SLC30A6: variants seen among roughly 807,000 people sequenced by gnomAD.
SLC30A6 encodes the protein solute carrier family 30 member 6.
In SLC30A6, 55 loss-of-function variants were observed where a neutral mutation model predicts 63.0. The observed-to-expected ratio is 0.87, with a 90% CI of 0.70 to 1.09. SLC30A6 has a LOEUF of 1.09. Ranked by LOEUF, SLC30A6 falls within the 50% of genes least tolerant of loss-of-function variation. The pLI is 0.00. For missense variants in SLC30A6, 587 were observed against 549.2 expected (o/e 1.07, Z -0.69); for synonymous variants, 224 against 186.1 (o/e 1.20, Z -1.66).
In SLC30A6 at chr2:32,193,992, T is replaced by C; in HGVS notation, c.496+9T>C. On this transcript the variant is annotated intron_variant, in intron 8 of 13. Coordinates refer to ENST00000282587, the MANE Select transcript of SLC30A6 (RefSeq NM_017964.5). ...TGCTTATGTCTCAGAAGGTATGTTT[T>C]TTATTTACTATTAATTTAAAAATCC... 2 of 1,595,504 alleles carry C rather than the reference T, an allele frequency of 1.3e-6. No individual in the cohort carries two copies. Among genetic ancestry groups the C allele is most frequent in the Non-Finnish European group, 1.7e-6 (2 of 1,170,262 alleles).
intron 11 of SLC30A6, 130 bp from the exon 12 acceptor site, chr2:32,206,756 C>G: frequency 1.5e-6 from 1 of 667,816 alleles, no homozygotes; most frequent in African/African-American, 1.8e-5. Flanking sequence ...CCTCTCTTCT[C>G]TAAATCATGA....
intron 11 of SLC30A6, among the ~76,000 whole-genome samples, chr2:32,205,346 G>A (rs1192197803): frequency 2.0e-5 from 3 of 152,094 alleles, no homozygotes; most frequent in East Asian, 1.9e-4. Flanking sequence ...GCCTGAACCC[G>A]GGAGGCGGAG....
At chr2:32,167,675 C>T (rs1398395283) in intron 1 of SLC30A6, among the ~76,000 whole-genome samples, 1 of 152,138 alleles carries the variant, frequency 6.6e-6, no homozygotes, top group Non-Finnish European at 1.5e-5. Context: ...CACACACACA[C>T]ACACACCAGT....
At chr2:32,209,400 T>C in intron 12 of SLC30A6, 93 bp from the exon 13 acceptor site, 2 of 959,058 alleles carry the variant, frequency 2.1e-6, no homozygotes, top group Non-Finnish European at 3.1e-6. Flanking sequence ...TTGGCTGTCA[T>C]TCTTAAGTTT....
At chr2:32,204,123 TA>T (rs1684535778) in intron 10 of SLC30A6, 1 of 384,680 alleles carries the variant, frequency 2.6e-6, no homozygotes, top group Non-Finnish European at 4.6e-6. Context: ...AAATTGGTCA[TA>T]TTTTTTTAAA....
At chr2:32,203,408 G>A (rs779181307) in intron 10 of SLC30A6, 1 of 1,308,906 alleles carries the variant, frequency 7.6e-7, no homozygotes, top group Non-Finnish European at 1.1e-6. Context: ...TCTGGCTTCT[G>A]TTTCTTATGC....
intron 13 of SLC30A6, among the ~76,000 whole-genome samples, chr2:32,209,822 G>A (rs2148895117): frequency 6.6e-6 from 1 of 152,124 alleles, no homozygotes; most frequent in African/African-American, 2.4e-5. Flanking sequence ...CCAAACAATA[G>A]AGGAATGTTT....
At chr2:32,175,253 G>T in intron 3 of SLC30A6, 66 bp from the exon 4 acceptor site, 2 of 1,467,214 alleles carry the variant, frequency 1.4e-6, no homozygotes, top group South Asian at 1.2e-5. Flanking sequence ...AAATAATTTT[G>T]GTAACTTGCT....
intron 4 of SLC30A6, among the ~76,000 whole-genome samples, chr2:32,178,164 G>A (rs1015598690): frequency 6.6e-6 from 1 of 151,326 alleles, no homozygotes; most frequent in African/African-American, 2.4e-5. Context: ...AGCCAGGATG[G>A]TCTCAATCTC....
chr2:32,212,237 T>C (rs938622230), intron 13 of SLC30A6, among the ~76,000 whole-genome samples: 2 of 152,104 alleles, frequency 1.3e-5, no homozygotes, highest in Non-Finnish European at 2.9e-5. Flanking sequence ...AATTGTCATC[T>C]CATTTCTAAG....
intron 13 of SLC30A6, among the ~76,000 whole-genome samples, chr2:32,214,748 A>G (rs1225275853): frequency 1.3e-5 from 2 of 152,248 alleles, no homozygotes; most frequent in Non-Finnish European, 2.9e-5. Context: ...AGATTAACGC[A>G]TGCACTGTAA....
chr2:32,212,536 C>T (rs1045062487), intron 13 of SLC30A6, among the ~76,000 whole-genome samples: 9 of 146,384 alleles, frequency 6.1e-5, no homozygotes, highest in African/African-American at 1.3e-4. Context: ...ATTTTGTGAA[C>T]GAAGAAAGAT....
In SLC30A6 at chr2:32,204,716, G is replaced by A. The variant is rs779645563; in HGVS notation, c.768+24G>A. On this transcript the variant is annotated intron_variant, in intron 11 of 13. Transcript: ENST00000282587. ...AGGTAAGGTGCTTCTTCCAATGCAC[G>A]TGCTTAATATTAGCCATGTTCTTCT... is the stretch of plus-strand genomic sequence containing the variant. 40 of 1,449,246 alleles carry A rather than the reference G, an allele frequency of 2.8e-5. 1 individual carries two copies. Among genetic ancestry groups the A allele is most frequent in the Non-Finnish European group, 3.3e-5 (34 of 1,039,776 alleles). The allele number at this position is 1,449,246 out of a possible 1,614,324, so 89.8% of individuals were successfully genotyped here.
At position 32,202,032 on chromosome 2, in the gene SLC30A6, A is replaced by G; in HGVS notation, c.666-2558A>G. ...AGATATTGATGAATATGAAAAAAAAAAAGCAAGTATCATCCTTAGATAGTT... is the reference window on the plus strand; with the variant it reads ...AGATATTGATGAATATGAAAAAAAAGAAGCAAGTATCATCCTTAGATAGTT... On this transcript the variant is annotated intron_variant, in intron 10 of 13. Transcript: ENST00000282587. 8 of 1,103,138 alleles carry G rather than the reference A, an allele frequency of 7.3e-6. No homozygotes were observed. In the South Asian group the frequency reaches 1.0e-4, roughly 14 times the overall value. The allele number at this position is 1,103,138 out of a possible 1,614,324, so 68.3% of individuals were successfully genotyped here.
intron 1 of SLC30A6, among the ~76,000 whole-genome samples, chr2:32,168,482 G>GC (rs1243656960): frequency 6.0e-5 from 9 of 150,974 alleles, no homozygotes; most frequent in African/African-American, 2.2e-4. Context: ...AAGGAAAATA[G>GC]CCCTTGTCAT....
At chr2:32,205,903 G>A (rs1231954356) in intron 11 of SLC30A6, among the ~76,000 whole-genome samples, 1 of 151,564 alleles carries the variant, frequency 6.6e-6, no homozygotes, top group African/African-American at 2.4e-5. Context: ...CCTGACCTCA[G>A]GTGAGCCACC....
intron 6 of SLC30A6, among the ~76,000 whole-genome samples, 165 bp from the exon 7 acceptor site, chr2:32,192,749 CAACT>C (rs1008688274): frequency 2.6e-5 from 4 of 151,962 alleles, no homozygotes; most frequent in African/African-American, 9.7e-5. Flanking sequence ...AAAAAGAAAA[CAACT>C]AAAAAGGATA....
chr2:32,167,710 C>T (rs1449740506), intron 1 of SLC30A6, among the ~76,000 whole-genome samples: 2 of 151,910 alleles, frequency 1.3e-5, no homozygotes, highest in Non-Finnish European at 2.9e-5. Context: ...CTGCACAAAA[C>T]GAATACATAC....
In SLC30A6 at chr2:32,197,425, A is replaced by T. The variant is rs202085846; in HGVS notation, c.545+33A>T. 4.5e-6 allele frequency: 7 copies of T among 1,572,626 alleles called. No homozygotes were observed. The East Asian group carries it at 1.3e-4, about 30-fold the overall frequency. ...GTTATGGAGTTTCATGATATGCATA[A>T]TTTAAAGGAATACACAAGAAATGCA... On this transcript the variant is annotated intron_variant, in intron 9 of 13. Transcript: ENST00000282587.
Sources: gnomAD v4.1 joint callset for allele counts (sites outside exome capture counted in the v4.1 genomes callset) on GRCh38, gnomAD v4.1.1 for gene constraint, MANE v1.5 for transcripts, NCBI Gene and HGNC (gene_info 2026-07-23, HGNC 2026-07-21) for gene names.